The following PACRGL variants were observed in gnomAD, a reference collection of about 807,000 sequenced individuals.
The protein encoded by PACRGL is parkin coregulated like.
A neutral mutation model predicts 34.5 loss-of-function variants in PACRGL; 38 were observed. The ratio of observed to expected loss-of-function variants is 1.10; its 90% confidence interval spans 0.85 to 1.44. The LOEUF is 1.44. PACRGL is among the 40% of genes most tolerant of loss of function. The probability of loss-of-function intolerance (pLI) is 0.00; values close to 1 mark genes in which losing one functional copy is unlikely to be tolerated. For synonymous variants in PACRGL, 128 were observed against 100.1 expected, an observed-to-expected ratio of 1.28 and a Z score of -1.66; for missense variants, 305 against 281.4, an observed-to-expected ratio of 1.08 and a Z score of -0.60.
At chr4:20,753,552 G>T (rs1259312082), downstream of PACRGL, among the ~76,000 whole-genome samples, 1 of 152,172 alleles carries the variant, frequency 6.6e-6, no homozygotes, top group Non-Finnish European at 1.5e-5. Context: ...TTTGTAGAAT[G>T]AAATCAATCT....
At chr4:20,704,417 G>T in intron 1 of PACRGL, 49 bp from the exon 2 acceptor site, 1 of 1,542,392 alleles carries the variant, frequency 6.5e-7, no homozygotes, top group Non-Finnish European at 8.9e-7. Flanking sequence ...GATAACAAAT[G>T]CCCCTCCAAA....
Position 20,729,869 on chromosome 4 carries a change from C to CATCCCCTGAACTCAGTGGCATTATGAAA in PACRGL, c.*2530_*2557dup. 2.2e-6 allele frequency: 1 copy of CATCCCCTGAACTCAGTGGCATTATGAAA among 444,590 alleles called. No individual in the cohort carries two copies. The highest frequency in any genetic ancestry group is 3.9e-6 in the Non-Finnish European group (1 of 254,490). 27.5% of individuals were successfully genotyped at this position (444,590 alleles called of 1,614,324 possible). A position where few individuals can be genotyped will look rare whatever the true frequency, so the allele number is the denominator to read the frequency against. ...TCACAGAGTATGAAATGAGTTAGAC[C>CATCCCCTGAACTCAGTGGCATTATGAAA]ATCCCCTGAACTCAGTGGCATTATG... On this transcript the variant is annotated 3_prime_UTR_variant, in exon 9 of 9. Transcript: ENST00000503585.
intron 8 of PACRGL, among the ~76,000 whole-genome samples, chr4:20,740,539 C>A (rs191546374): frequency 2.0e-5 from 3 of 152,276 alleles, no homozygotes; most frequent in African/African-American, 4.8e-5. Context: ...GATTTTGTCA[C>A]CGCCAGGCCT....
the PACRGL span, among the ~76,000 whole-genome samples, chr4:20,762,805 C>T: frequency 6.6e-6 from 1 of 152,152 alleles, no homozygotes; most frequent in African/African-American, 2.4e-5. Flanking sequence ...TTCATTTCCA[C>T]ACTGCTATAA....
chr4:20,707,053 A>G (rs907838880), intron 3 of PACRGL, among the ~76,000 whole-genome samples: 2 of 152,208 alleles, frequency 1.3e-5, no homozygotes, highest in Non-Finnish European at 1.5e-5. Flanking sequence ...AAACAGGTCA[A>G]TTTATATTTT....
chr4:20,734,804 T>C (rs570536525), downstream of PACRGL: 10 of 690,218 alleles, frequency 1.4e-5, no homozygotes, highest in South Asian at 2.0e-4. Flanking sequence ...AAACAAATGA[T>C]GTAAGTAAGG....
rs775548991 is a variant in PACRGL, at chr4:20,724,826, G to C, written c.628G>C (p.Asp210His). The change falls in exon 8 of 9, where the codon GAC becomes CAC. Residue 210 changes from aspartate (D) to histidine (H), a missense_variant. By Grantham distance (81) the Asp-to-His change is moderately conservative. Transcript: ENST00000503585. Reference protein sequence around the residue: ...LLTSLSKRLMDKKFKEPITSA... With the variant: ...LLTSLSKRLMHKKFKEPITSA... ...TTAAAAGCTTTCCAAGAGATTAATGGACAAGAAATTCAAAGAGCCAATCAC... is the reference window on the plus strand; with the variant it reads ...TTAAAAGCTTTCCAAGAGATTAATGCACAAGAAATTCAAAGAGCCAATCAC... The C allele has an allele frequency of 8.0e-6, 12 of 1,492,990 alleles. No homozygotes were observed. The East Asian group carries it at 1.0e-4, about 13-fold the overall frequency. 92.5% of individuals were successfully genotyped at this position (1,492,990 alleles called of 1,614,324 possible).
Position 20,730,253 on chromosome 4 carries a change from A to G in PACRGL, c.*2912A>G. On this transcript the variant is annotated 3_prime_UTR_variant, in exon 9 of 9. Transcript: ENST00000503585. Reference sequence around the variant, plus strand: ...AACCACCTATGCCAAAAGCTCAAATATTAAGTGTTTGCAAATGTAAATGCC... The same window carrying G: ...AACCACCTATGCCAAAAGCTCAAATGTTAAGTGTTTGCAAATGTAAATGCC... The G allele has an allele frequency of 1.6e-6, 2 of 1,235,192 alleles. No homozygotes were observed. Among genetic ancestry groups the G allele is most frequent in the South Asian group, 1.9e-5 (1 of 53,352 alleles). 76.5% of individuals were successfully genotyped at this position (1,235,192 alleles called of 1,614,324 possible).
At chr4:20,712,309 T>C (rs1030810716) in intron 5 of PACRGL, among the ~76,000 whole-genome samples, 2 of 151,534 alleles carry the variant, frequency 1.3e-5, no homozygotes, top group African/African-American at 4.8e-5. Flanking sequence ...TACTCCTGTC[T>C]CATGTACAGT....
At chr4:20,763,060 C>T in the PACRGL span, among the ~76,000 whole-genome samples, 1 of 152,064 alleles carries the variant, frequency 6.6e-6, no homozygotes, top group Non-Finnish European at 1.5e-5. Flanking sequence ...GAACTGCCTC[C>T]ATGATTCAAT....
chr4:20,726,471 A>G lies in PACRGL; in HGVS notation c.691-814A>G, dbSNP rs576762882. Among the ~76,000 whole-genome samples the G allele has an allele frequency of 2.6e-5, 4 of 152,298 alleles. No homozygotes were observed. In the South Asian group the frequency reaches 8.3e-4, roughly 32 times the overall value. ...TTGGAATAGAAAATTTCCTATTGCA[A>G]TTACATACCAAAGACTTTCTCTTGG... On this transcript the variant is annotated intron_variant, in intron 8 of 8. Transcript: ENST00000503585.
chr4:20,742,710 G>A (rs1751425279), intron 8 of PACRGL, among the ~76,000 whole-genome samples: 2 of 152,100 alleles, frequency 1.3e-5, no homozygotes, highest in African/African-American at 4.8e-5. Context: ...GGAAGTTCTG[G>A]CCAGGGCAAT....
chr4:20,701,096 G>T (rs1378654824), intron 1 of PACRGL, among the ~76,000 whole-genome samples: 1 of 152,204 alleles, frequency 6.6e-6, no homozygotes, highest in Non-Finnish European at 1.5e-5. Context: ...GGTTTCTTTA[G>T]TGGGGCTCTT....
At chr4:20,726,843 A>G (rs951655243) in intron 8 of PACRGL, among the ~76,000 whole-genome samples, 1 of 152,182 alleles carries the variant, frequency 6.6e-6, no homozygotes, top group East Asian at 1.9e-4. Flanking sequence ...AAAAGGCACA[A>G]TGCAAATCCT....
At chr4:20,767,059 G>T in the PACRGL span, 3 of 152,136 alleles carry the variant, frequency 2.0e-5, no homozygotes, top group Non-Finnish European at 1.5e-5. Context: ...AATATTAGCT[G>T]TTAGTACCAT....
At chr4:20,762,800 T>C in the PACRGL span, among the ~76,000 whole-genome samples, 34 of 152,316 alleles carry the variant, frequency 2.2e-4, no homozygotes, top group African/African-American at 7.7e-4. Context: ...GTTAGTTCAT[T>C]TCCACACTGC....
chr4:20,761,540 A>T, the PACRGL span, among the ~76,000 whole-genome samples: 2 of 152,320 alleles, frequency 1.3e-5, no homozygotes, highest in Admixed American at 6.5e-5. Flanking sequence ...TTGGGATAGT[A>T]AGGAGAGAGT....
the PACRGL span, among the ~76,000 whole-genome samples, chr4:20,765,404 C>T: frequency 6.6e-6 from 1 of 152,130 alleles, no homozygotes; most frequent in Admixed American, 6.5e-5. Context: ...GAGGCATGTG[C>T]AAAGGGAAGC....
Position 20,732,440 on chromosome 4 carries a change from AC to A in PACRGL, c.*5100del, listed in dbSNP as rs1308689522. ...CTTGTAAAAACTGAATGAAAACAAA[AC>A]TTGTGAAACATGAGAACTGTTTAGT... On this transcript the variant is annotated 3_prime_UTR_variant, in exon 9 of 9. Transcript: ENST00000503585. 3.9e-5 allele frequency among the ~76,000 whole-genome samples: 6 copies of A among 152,216 alleles called. No individual in the cohort carries two copies. The highest frequency in any genetic ancestry group is 1.4e-4 in the African/African-American group (6 of 41,454).
Sources: allele counts gnomAD v4.1 joint callset (sites outside exome capture counted in the v4.1 genomes callset), GRCh38; gene constraint gnomAD v4.1.1; transcripts MANE v1.5; gene names NCBI Gene and HGNC (gene_info 2026-07-23, HGNC 2026-07-21).